Variants in A2ML1 observed in about 807,000 individuals in gnomAD.
A2ML1 encodes alpha-2-macroglobulin-like protein 1.
A2ML1 carries 161 observed loss-of-function variants against 181.9 expected under a neutral mutation model. The observed-to-expected ratio is 0.89, with a 90% CI of 0.78 to 1.01. The LOEUF (loss-of-function observed/expected upper bound fraction) is 1.01. A2ML1 is among the 50% of genes least tolerant of loss of function. The probability of loss-of-function intolerance (pLI) is 0.00; values close to 1 mark genes in which losing one functional copy is unlikely to be tolerated. For missense variants in A2ML1, 1,670 were observed against 1,768.1 expected (o/e 0.94, Z 1.00); for synonymous variants, 663 against 666.8 (o/e 0.99, Z 0.09).
intron 33 of A2ML1, among the ~76,000 whole-genome samples, chr12:8,871,826 C>T (rs938383469): frequency 1.3e-5 from 2 of 151,902 alleles, no homozygotes; most frequent in African/African-American, 2.4e-5. Flanking sequence ...ACTCCCCCAC[C>T]GCCACACACA....
intron 4 of A2ML1, among the ~76,000 whole-genome samples, chr12:8,832,482 C>T (rs760901711): frequency 1.8e-4 from 27 of 152,340 alleles, no homozygotes; most frequent in African/African-American, 6.0e-4. Flanking sequence ...AAACCATGAA[C>T]TGAATTCCTT....
chr12:8,824,161 A>T (rs1942844385), intron 3 of A2ML1, among the ~76,000 whole-genome samples: 1 of 151,116 alleles, frequency 6.6e-6, no homozygotes, highest in African/African-American at 2.4e-5. Context: ...GCTGGGCCTT[A>T]CAACAAACTG....
Position 8,837,513 on chromosome 12 carries a change from C to G in A2ML1, c.802C>G (p.Arg268Gly). Reference sequence around the variant, plus strand: ...TCAGAAGGCAAATACTTACTGGTATCGAGAGGTGGAACGGGAACAGCTTCC... The same window carrying G: ...TCAGAAGGCAAATACTTACTGGTATGGAGAGGTGGAACGGGAACAGCTTCC... ...VCQKANTYWY[R>G]EVEREQLPDK... is the part of the protein sequence containing the mutation. The change falls in exon 8 of 36, where the codon CGA (arginine) becomes GGA (glycine). Residue 268 changes from arginine to glycine, a missense_variant. By Grantham distance (125) the Arg-to-Gly change is moderately radical. Transcript: ENST00000299698. The G allele has an allele frequency of 1.2e-6, 2 of 1,613,962 alleles. No homozygotes were observed. The highest frequency in any genetic ancestry group is 1.7e-6 in the Non-Finnish European group (2 of 1,179,918).
At chr12:8,822,848 TC>T in intron 1 of A2ML1, 135 bp downstream of exon 1, 1 of 791,292 alleles carries the variant, frequency 1.3e-6, no homozygotes, top group Non-Finnish European at 2.1e-6. Context: ...CTTCTTTGGT[TC>T]CACTGATCCT....
At chr12:8,851,762 G>A (rs1943896354) in intron 18 of A2ML1, 22 bp from the exon 19 acceptor site, 2 of 1,612,632 alleles carry the variant, frequency 1.2e-6, no homozygotes, top group Non-Finnish European at 1.7e-6. Flanking sequence ...TCTGCCTCAT[G>A]TTGGTCCTTG....
chr12:8,861,352 T>C (rs777141832), intron 28 of A2ML1, 55 bp downstream of exon 28: 3 of 1,583,466 alleles, frequency 1.9e-6, no homozygotes, highest in Admixed American at 1.7e-5. Context: ...CTGTGAGTTA[T>C]CTATAATCTC....
Position 8,857,489 on chromosome 12 carries a change from C to G in A2ML1, c.3026-18C>G. The G allele has an allele frequency of 6.2e-7, 1 of 1,611,182 alleles. No individual in the cohort carries two copies. The highest frequency in any genetic ancestry group is 8.5e-7 in the Non-Finnish European group (1 of 1,178,804). ...CTGAAGTTGTCGCTGTGATCTAAAA[C>G]CACATTTGGCTTCCCAGGGTACCAG... On this transcript the variant is annotated intron_variant, in intron 24 of 35. Coordinates refer to ENST00000299698, the MANE Select transcript of A2ML1 (RefSeq NM_144670.6).
chr12:8,861,605 A>C (rs1004319929), intron 28 of A2ML1, among the ~76,000 whole-genome samples: 1 of 151,792 alleles, frequency 6.6e-6, no homozygotes, highest in African/African-American at 2.4e-5. Flanking sequence ...CTCCTGCCTC[A>C]GCCTCCCCAG....
intron 5 of A2ML1, 132 bp downstream of exon 5, chr12:8,834,814 C>A: frequency 1.9e-6 from 2 of 1,060,560 alleles, no homozygotes; most frequent in South Asian, 3.0e-5. Context: ...CAGCACCGAG[C>A]GCCCACATCC....
chr12:8,856,726 G>A (rs1030648666), intron 23 of A2ML1, among the ~76,000 whole-genome samples: 1 of 151,982 alleles, frequency 6.6e-6, no homozygotes. Flanking sequence ...GTGCCTCTCC[G>A]TGTCCCCTAG....
rs1943789426 is a variant in A2ML1 at position 8,848,802 on chromosome 12, G to T, written c.1916G>T (p.Trp639Leu). The T allele has an allele frequency of 6.2e-7, 1 of 1,614,138 alleles. No homozygotes were observed. The highest frequency in any genetic ancestry group is 1.6e-4 in the Middle Eastern group (1 of 6,062). ...GATCAGTGTCCAGTGTCTGGCCCAT[G>T]GGACTTTCCTCAGCCCCTCATTGAC... ...EYDQCPVSGPWDFPQPLIDPM... is the reference protein window; with the variant it reads ...EYDQCPVSGPLDFPQPLIDPM... Residue 639 changes from tryptophan (W) to leucine (L), a missense_variant, in exon 16 of 36, where the codon TGG becomes TTG. Transcript: ENST00000299698.
chr12:8,839,085 T>C (rs751071198), intron 9 of A2ML1, 28 bp from the exon 10 acceptor site: 1 of 1,497,186 alleles, frequency 6.7e-7, no homozygotes, highest in Admixed American at 1.8e-5. Context: ...GGTGCCTAGA[T>C]CTTTATACAT....
chr12:8,857,377 C>T (rs770287692), intron 24 of A2ML1, 37 bp downstream of exon 24: 98 of 1,606,284 alleles, frequency 6.1e-5, no homozygotes, highest in Admixed American at 1.7e-4. Context: ...GAACACTCTC[C>T]TCCACTAGGC....
At chr12:8,863,682 T>C in intron 28 of A2ML1, 112 bp from the exon 29 acceptor site, 1 of 1,039,568 alleles carries the variant, frequency 9.6e-7, no homozygotes, top group Non-Finnish European at 1.4e-6. Flanking sequence ...TTTTCTACTC[T>C]GTTTAATTCT....
At chr12:8,884,438 G>A (rs1023248219) in intron 7 of A2ML1, among the ~76,000 whole-genome samples, 4 of 151,790 alleles carry the variant, frequency 2.6e-5, no homozygotes, top group Non-Finnish European at 5.9e-5. Context: ...CCTCCGTCGA[G>A]TAGACTCCAG....
chr12:8,877,675 C>G (rs1944826512), downstream of A2ML1, among the ~76,000 whole-genome samples: 1 of 152,056 alleles, frequency 6.6e-6, no homozygotes, highest in South Asian at 2.1e-4. Context: ...TTATTAAAGT[C>G]AGAAAATAAG....
chr12:8,887,310 G>T (rs763260276), downstream of A2ML1, among the ~76,000 whole-genome samples: 12 of 152,162 alleles, frequency 7.9e-5, no homozygotes, highest in South Asian at 2.1e-4. Flanking sequence ...TAAGAGTTAA[G>T]AAAGAATATT....
intron 4 of A2ML1, among the ~76,000 whole-genome samples, chr12:8,832,679 G>T (rs1943154381): frequency 6.6e-6 from 1 of 152,182 alleles, no homozygotes; most frequent in African/African-American, 2.4e-5. Context: ...GGGCTAGGAA[G>T]ATGGGAAAAG....
intron 29 of A2ML1, among the ~76,000 whole-genome samples, chr12:8,866,122 G>A (rs756182952): frequency 1.3e-5 from 2 of 151,838 alleles, no homozygotes; most frequent in South Asian, 2.1e-4. Flanking sequence ...TCGAGACCAC[G>A]GTGAAACCCC....
Sources: gnomAD v4.1 joint callset for allele counts (sites outside exome capture counted in the v4.1 genomes callset) on GRCh38, gnomAD v4.1.1 for gene constraint, MANE v1.5 for transcripts, NCBI Gene and HGNC (gene_info 2026-07-23, HGNC 2026-07-21) for gene names.